ELN: variants seen among roughly 807,000 people sequenced by gnomAD.
ELN encodes the protein tropoelastin.
A neutral mutation model predicts 105.8 loss-of-function variants in ELN; 65 were observed. The ratio of observed to expected loss-of-function variants is 0.61; its 90% confidence interval spans 0.50 to 0.75. The LOEUF (loss-of-function observed/expected upper bound fraction) is 0.75, where lower values mean the gene tolerates loss of function less well. Among genes scored for constraint, ELN ranks in the 30% least tolerant of loss-of-function variants. The pLI is 0.00. For missense variants in ELN, 882 were observed against 969.4 expected (o/e 0.91, Z 1.20); for synonymous variants, 368 against 389.2 (o/e 0.95, Z 0.64).
At chr7:74,043,773 G>T (rs1791814298) in intron 8 of ELN, 106 bp from the exon 9 acceptor site, 4 of 1,460,044 alleles carry the variant, frequency 2.7e-6, no homozygotes, top group Non-Finnish European at 3.8e-6. Flanking sequence ...GTCGGGCACA[G>T]AGGCTGTGGG....
At chr7:74,065,152 G>C (rs782365405) in intron 29 of ELN, among the ~76,000 whole-genome samples, 2 of 152,116 alleles carry the variant, frequency 1.3e-5, no homozygotes, top group African/African-American at 4.8e-5. Flanking sequence ...GGGAGGCTGA[G>C]GCAGGAAGAT....
rs781979793 is a variant in ELN at position 74,043,027 on chromosome 7, G to A, written c.369G>A (p.Val123=). The A allele has an allele frequency of 2.2e-5, 36 of 1,614,056 alleles. No homozygotes were observed. Among genetic ancestry groups the A allele is most frequent in the Non-Finnish European group, 3.0e-5 (35 of 1,180,044 alleles). ...TCCCAGGAGTTGGTGGCTTAGGAGT[G>A]TCTGCAGGTACGATGGCTATCCCCG... ...GGVPGVGGLG[V]SAGAVVPQPG... is the part of the protein sequence containing the mutation. The change falls in exon 7 of 33, where the codon GTG becomes GTA. Residue 123 remains valine, a synonymous_variant. Transcript: ENST00000252034.
chr7:74,037,189 C>A (rs1554666260), intron 3 of ELN, among the ~76,000 whole-genome samples: 1 of 149,952 alleles, frequency 6.7e-6, no homozygotes, highest in Non-Finnish European at 1.5e-5. Flanking sequence ...TGAGCAGGCA[C>A]CATCTTCTTT....
At chr7:74,051,871 T>C in intron 16 of ELN, 32 bp downstream of exon 16, 1 of 1,614,150 alleles carries the variant, frequency 6.2e-7, no homozygotes, top group Non-Finnish European at 8.5e-7. Context: ...GGCGGGTGTG[T>C]CCTTGAGATG....
chr7:74,041,089 C>T, intron 4 of ELN, 127 bp from the exon 5 acceptor site: 5 of 1,214,990 alleles, frequency 4.1e-6, no homozygotes, highest in Non-Finnish European at 6.1e-6. Flanking sequence ...CCCTGAGCAT[C>T]ACAGGCTTAG....
intron 1 of ELN, among the ~76,000 whole-genome samples, chr7:74,033,934 C>G (rs55675706): frequency 6.6e-6 from 1 of 152,200 alleles, no homozygotes; most frequent in African/African-American, 2.4e-5. Context: ...GTTTGGGACC[C>G]TGTCTGTTGC....
Position 74,028,274 on chromosome 7 carries a change from G to C in ELN, c.82+5G>C. 6.2e-7 allele frequency: 1 copy of C among 1,605,136 alleles called. No individual in the cohort carries two copies. Among genetic ancestry groups the C allele is most frequent in the Non-Finnish European group, 8.5e-7 (1 of 1,178,594 alleles). On this transcript the variant is annotated splice_donor_5th_base_variant and intron_variant, in intron 1 of 32. Transcript: ENST00000252034. Reference sequence around the variant, plus strand: ...TCCACCCCTCTCGGCCTGGAGGTAAGGACCCCTCGCCCCTGTCCCCAGCGC... The same window carrying C: ...TCCACCCCTCTCGGCCTGGAGGTAACGACCCCTCGCCCCTGTCCCCAGCGC...
chr7:74,037,676 C>T (rs1790291348), intron 3 of ELN, 31 bp from the exon 4 acceptor site: 1 of 1,608,300 alleles, frequency 6.2e-7, no homozygotes. Context: ...AGCTGGGCCA[C>T]CCCATTCACT....
intron 1 of ELN, among the ~76,000 whole-genome samples, chr7:74,035,125 A>G (rs1554664655): frequency 2.0e-5 from 3 of 152,194 alleles, no homozygotes. Flanking sequence ...CAAAATGATG[A>G]TAGTAAGCCC....
intron 21 of ELN, chr7:74,057,279 C>T (rs1212655100): frequency 1.9e-5 from 17 of 902,144 alleles, no homozygotes; most frequent in Middle Eastern, 3.2e-4. Flanking sequence ...ATTGAAGGTG[C>T]CAGGAAGCCA....
chr7:74,065,756 C>T, intron 30 of ELN, 24 bp downstream of exon 30: 1 of 1,614,084 alleles, frequency 6.2e-7, no homozygotes, highest in Non-Finnish European at 8.5e-7. Flanking sequence ...TGATGCCTTC[C>T]TGCCAGTGGC....
chr7:74,061,441 C>A (rs1216936924), intron 26 of ELN, among the ~76,000 whole-genome samples: 1 of 151,988 alleles, frequency 6.6e-6, no homozygotes, highest in African/African-American at 2.4e-5. Context: ...CAACTGAGGT[C>A]GGGGGTTCCA....
chr7:74,053,300 G>A lies in ELN; in HGVS notation c.1087G>A (p.Ala363Thr), dbSNP rs782539848. 1 of 1,612,438 alleles carries A rather than the reference G, an allele frequency of 6.2e-7. No individual in the cohort carries two copies. Among genetic ancestry groups the A allele is most frequent in the South Asian group, 1.1e-5 (1 of 90,940 alleles). Residue 363 changes from alanine (A) to threonine (T), a missense_variant, in exon 18 of 33, where the codon GCG (alanine) becomes ACG (threonine). Ala to Thr is a moderately conservative substitution (Grantham distance 58, BLOSUM62 0). Transcript: ENST00000252034. ...CCCAGGTGCTGGGATCCCAGGTGCTGCGGTTCCAGGTGAGCTGGGCTGTGT... is the reference window on the plus strand; with the variant it reads ...CCCAGGTGCTGGGATCCCAGGTGCTACGGTTCCAGGTGAGCTGGGCTGTGT... ...VVPGAGIPGA[A>T]VPGVVSPEAA...
intron 18 of ELN, 101 bp downstream of exon 18, chr7:74,053,410 C>T (rs1440350301): frequency 6.5e-7 from 1 of 1,542,108 alleles, no homozygotes; most frequent in Non-Finnish European, 8.7e-7. Flanking sequence ...TTCTCCCTAA[C>T]ACCATAACCA....
At chr7:74,028,550 C>T (rs563530474) in intron 1 of ELN, among the ~76,000 whole-genome samples, 12 of 152,294 alleles carry the variant, frequency 7.9e-5, no homozygotes, top group Admixed American at 2.6e-4. Flanking sequence ...CTCAGGTGCC[C>T]GGGTGCCCGC....
intron 32 of ELN, 37 bp from the exon 33 acceptor site, chr7:74,068,620 G>C: frequency 2.5e-6 from 4 of 1,613,734 alleles, no homozygotes; most frequent in Non-Finnish European, 3.4e-6. Context: ...ACTGAGAGGG[G>C]CCGGACTCAC....
chr7:74,053,017 G>C, intron 17 of ELN, 146 bp from the exon 18 acceptor site: 1 of 1,185,184 alleles, frequency 8.4e-7, no homozygotes, highest in Non-Finnish European at 1.2e-6. Context: ...ACATCTCTCT[G>C]ATGAGTAGGA....
chr7:74,047,822 G>A (rs1321872569), intron 13 of ELN, 106 bp downstream of exon 13: 1 of 1,519,596 alleles, frequency 6.6e-7, no homozygotes, highest in Admixed American at 1.7e-5. Context: ...ACCTCGCTGG[G>A]GCAGGGTTGG....
rs200133966 is a variant in ELN, at chr7:74,063,191, C to G, written c.1825C>G (p.Leu609Val). 6.2e-7 allele frequency: 1 copy of G among 1,609,820 alleles called. No homozygotes were observed. ...TGGGGTCCTTGGAGGGCTCGGGGCT[C>G]TCGGTGGAGTAGGCATCCCAGGCGG... The part of the protein sequence containing the change: ...VPGVLGGLGA[L>V]GGVGIPGGVV... The change falls in exon 27 of 33, where the codon CTC becomes GTC. Residue 609 changes from leucine (L) to valine (V), a missense_variant. Leu to Val is a conservative substitution (Grantham distance 32). Coordinates refer to ENST00000252034, the MANE Select transcript of ELN (RefSeq NM_000501.4). The surrounding 1 kb of genome is among the most constrained non-coding windows in gnomAD (Gnocchi z 4.1).
Sources: allele counts gnomAD v4.1 joint callset (sites outside exome capture counted in the v4.1 genomes callset), GRCh38; gene constraint gnomAD v4.1.1; non-coding constraint Gnocchi (gnomAD v3.1); transcripts MANE v1.5; gene names NCBI Gene and HGNC (gene_info 2026-07-23, HGNC 2026-07-21).